PPID: variants seen among roughly 807,000 people sequenced by gnomAD.
The protein encoded by PPID is peptidyl-prolyl cis-trans isomerase D.
PPID carries 47 observed loss-of-function variants against 48.1 expected under a neutral mutation model. The observed-to-expected ratio is 0.98, with a 90% CI of 0.77 to 1.25. The LOEUF is 1.25. PPID is among the 50% of genes most tolerant of loss of function. The pLI, the probability that PPID is intolerant of heterozygous loss-of-function variation, is 0.00. For synonymous variants in PPID, 163 were observed against 148.8 expected (o/e 1.10, Z -0.69); for missense variants, 429 against 443.5 (o/e 0.97, Z 0.29).
In PPID at chr4:158,717,134, T is replaced by TA. The variant is rs1456058528; in HGVS notation, c.399dup (p.Ile134TyrfsTer21). ...AAATGAGGAGTTGGAACTGTTGTGATAAAAAACTGAGAACCGTTTGTGTTG... is the reference window on the plus strand; with the variant it reads ...AAATGAGGAGTTGGAACTGTTGTGATAAAAAAACTGAGAACCGTTTGTGTTG... On this transcript the variant is annotated frameshift_variant, in exon 4 of 10. Transcript: ENST00000307720. LOFTEE classifies it high-confidence loss of function. 2 of 1,614,212 alleles carry TA rather than the reference T, an allele frequency of 1.2e-6. No individual in the cohort carries two copies. Among genetic ancestry groups the TA allele is most frequent in the Non-Finnish European group, 1.7e-6 (2 of 1,180,018 alleles).
chr4:158,713,146 C>A lies in PPID; in HGVS notation c.867G>T (p.Trp289Cys), dbSNP rs1277520271. The A allele has an allele frequency of 3.1e-6, 5 of 1,613,926 alleles. No homozygotes were observed. In the African/African-American group the frequency reaches 6.7e-5, roughly 22 times the overall value. The change falls in exon 7 of 10, where the codon TGG (tryptophan) becomes TGT (cysteine). Residue 289 changes from tryptophan to cysteine, a missense_variant. Coordinates refer to ENST00000307720, the MANE Select transcript of PPID (RefSeq NM_005038.3). ...IGACKLKMSNWQGAIDSCLEA... is the reference protein window; with the variant it reads ...IGACKLKMSNCQGAIDSCLEA... ...CTAAACAACTGTCAATTGCTCCCTG[C>A]CAATTTGACATCTTCAGTTTACAAG...
At chr4:158,712,464 A>C (rs1774805635) in intron 7 of PPID, among the ~76,000 whole-genome samples, 1 of 152,132 alleles carries the variant, frequency 6.6e-6, no homozygotes, top group African/African-American at 2.4e-5. Context: ...TGTGTTATAT[A>C]ACTCTCTATA....
intron 7 of PPID, among the ~76,000 whole-genome samples, chr4:158,712,764 A>T (rs1040729829): frequency 4.6e-5 from 7 of 152,158 alleles, no homozygotes; most frequent in Non-Finnish European, 1.0e-4. Flanking sequence ...CTCAAAAAAA[A>T]AAGAAGAAGA....
At chr4:158,712,773 G>A (rs899523865) in intron 7 of PPID, among the ~76,000 whole-genome samples, 1 of 151,798 alleles carries the variant, frequency 6.6e-6, no homozygotes, top group Non-Finnish European at 1.5e-5. Context: ...AAAAGAAGAA[G>A]AAAAAAGCCA....
At chr4:158,719,796 T>C (rs74942680) in intron 2 of PPID, among the ~76,000 whole-genome samples, 2 of 152,332 alleles carry the variant, frequency 1.3e-5, no homozygotes, top group African/African-American at 4.8e-5. Context: ...TCAGCAAATA[T>C]ATCACTTTGT....
At chr4:158,712,682 G>A (rs569968965) in intron 7 of PPID, among the ~76,000 whole-genome samples, 5 of 152,126 alleles carry the variant, frequency 3.3e-5, no homozygotes, top group South Asian at 2.1e-4. Context: ...ACTTGAACCC[G>A]GGAGGCAGAG....
intron 3 of PPID, 94 bp from the exon 4 acceptor site, chr4:158,717,294 C>G (rs1372326980): frequency 8.8e-7 from 1 of 1,139,994 alleles, no homozygotes. Flanking sequence ...GAACATAAAA[C>G]TGGGGTGCAC....
intron 7 of PPID, among the ~76,000 whole-genome samples, 188 bp from the exon 8 acceptor site, chr4:158,711,036 G>A (rs1163885942): frequency 6.6e-6 from 1 of 152,166 alleles, no homozygotes; most frequent in Non-Finnish European, 1.5e-5. Flanking sequence ...AATGGACATG[G>A]AGGAGAAAGA....
chr4:158,723,055 G>A (rs764330227), intron 1 of PPID, 149 bp downstream of exon 1: 20 of 746,142 alleles, frequency 2.7e-5, no homozygotes, highest in Non-Finnish European at 4.1e-5. Context: ...AGATCTCCGG[G>A]CCTGCTCCGG....
In PPID at chr4:158,709,768, CTT is replaced by C. The variant is rs1774750554; in HGVS notation, c.1079_1080del (p.Lys360ArgfsTer36). ...AACATTTTTGCATATACTGCCTTCT[CTT>C]TATCTTTCTGTGCCTTTATCTTTTG... ...VKQKIKAQKD[K>X]EKAVYAKMFA is the part of the protein sequence containing the mutation. On this transcript the variant is annotated frameshift_variant, in exon 10 of 10. Coordinates refer to ENST00000307720, the MANE Select transcript of PPID (RefSeq NM_005038.3). LOFTEE classifies it high-confidence loss of function. The C allele has an allele frequency of 6.2e-7, 1 of 1,611,788 alleles. No homozygotes were observed. The highest frequency in any genetic ancestry group is 1.1e-5 in the South Asian group (1 of 91,014).
intron 1 of PPID, among the ~76,000 whole-genome samples, chr4:158,722,134 T>G (rs1405098960): frequency 1.3e-5 from 2 of 152,248 alleles, no homozygotes; most frequent in Non-Finnish European, 2.9e-5. Flanking sequence ...TACTGTCATG[T>G]ATGTATATAA....
At chr4:158,713,323 T>TA in intron 6 of PPID, 63 bp from the exon 7 acceptor site, 1 of 1,375,620 alleles carries the variant, frequency 7.3e-7, no homozygotes, top group Non-Finnish European at 9.7e-7. Context: ...CTCTTCTCTA[T>TA]GTCCAGAAGT....
At chr4:158,723,149 T>C (rs1171666590) in intron 1 of PPID, 55 bp downstream of exon 1, 1 of 1,527,276 alleles carries the variant, frequency 6.5e-7, no homozygotes, top group Non-Finnish European at 9.0e-7. Flanking sequence ...ATCCCCCAAA[T>C]CCCGGGAACC....
chr4:158,719,952 T>G (rs1774930671), intron 2 of PPID, among the ~76,000 whole-genome samples: 1 of 152,126 alleles, frequency 6.6e-6, no homozygotes, highest in African/African-American at 2.4e-5. Flanking sequence ...TGTGCAGGCT[T>G]CCTTATGCTT....
At chr4:158,712,920 G>T (rs1422961943) in intron 7 of PPID, among the ~76,000 whole-genome samples, 199 bp downstream of exon 7, 1 of 152,196 alleles carries the variant, frequency 6.6e-6, no homozygotes, top group Non-Finnish European at 1.5e-5. Flanking sequence ...GATCTTCATA[G>T]CTGTTAAGTG....
At chr4:158,717,362 ATTAC>A (rs891088778) in intron 3 of PPID, among the ~76,000 whole-genome samples, 162 bp from the exon 4 acceptor site, 2 of 152,126 alleles carry the variant, frequency 1.3e-5, no homozygotes, top group Admixed American at 1.3e-4. Flanking sequence ...AAATTTTTTA[ATTAC>A]TTTTTATTTT....
Position 158,721,345 on chromosome 4 carries a change from C to A in PPID, c.224G>T (p.Arg75Leu), listed in dbSNP as rs764980502. The A allele has an allele frequency of 8.1e-6, 13 of 1,613,746 alleles. No individual in the cohort carries two copies. Among genetic ancestry groups the A allele is most frequent in the Non-Finnish European group, 1.1e-5 (13 of 1,179,836 alleles). ...AGATTAAGAAAATTTACACATACTT[C>A]GATGAAAAGGGCATCCTTTGAAATG... ...PLHFKGCPFH[R>L]IIKKFMIQGG... Residue 75 changes from arginine to leucine, a missense_variant and splice_region_variant, in exon 2 of 10, where the codon CGA becomes CTA. Coordinates refer to ENST00000307720, the MANE Select transcript of PPID (RefSeq NM_005038.3).
chr4:158,710,618 G>A lies in PPID; in HGVS notation c.1024+10C>T. 6.2e-7 allele frequency: 1 copy of A among 1,612,388 alleles called. No individual in the cohort carries two copies. Among genetic ancestry groups the A allele is most frequent in the South Asian group, 1.1e-5 (1 of 91,022 alleles). ...AAAATTAACTTTCACTACAAAAGCT[G>A]CCAACTTACCTTTATCTTCTGGTGC... On this transcript the variant is annotated intron_variant, in intron 9 of 9. Coordinates refer to ENST00000307720, the MANE Select transcript of PPID (RefSeq NM_005038.3).
chr4:158,713,260 T>C lies in PPID; in HGVS notation c.753A>G (p.Arg251=), dbSNP rs762827997. The C allele has an allele frequency of 1.2e-5, 19 of 1,597,358 alleles. 1 individual carries two copies. The South Asian group carries it at 2.1e-4, about 17-fold the overall frequency. Residue 251 remains arginine (R), a splice_region_variant and synonymous_variant, in exon 7 of 10, where the codon AGA becomes AGG. Coordinates refer to ENST00000307720, the MANE Select transcript of PPID (RefSeq NM_005038.3). ...MAIKKYAEVL[R]YVDSSKAVIE... is the part of the protein sequence containing the mutation. ...TAACAGCCTTTGAACTGTCCACGTA[T>C]CTGCAGAATGCATTAATAAAAGCAG...
Sources: allele counts gnomAD v4.1 joint callset (sites outside exome capture counted in the v4.1 genomes callset), GRCh38; gene constraint gnomAD v4.1.1; transcripts MANE v1.5; gene names NCBI Gene and HGNC (gene_info 2026-07-23, HGNC 2026-07-21).